NBEA: variants seen among roughly 807,000 people sequenced by gnomAD.
NBEA encodes the protein lysosomal-trafficking regulator 2.
NBEA carries 44 observed loss-of-function variants against 343.4 expected under a neutral mutation model. The observed-to-expected ratio is 0.13, with a 90% CI of 0.10 to 0.16. The LOEUF (loss-of-function observed/expected upper bound fraction) is 0.16. Ranked by LOEUF, NBEA falls within the 10% of genes least tolerant of loss-of-function variation. The probability of loss-of-function intolerance (pLI) is 1.00; values close to 1 mark genes in which losing one functional copy is unlikely to be tolerated. For missense variants in NBEA, 2,555 were observed against 3,631.3 expected, an observed-to-expected ratio of 0.70 and a Z score of 7.62; for synonymous variants, 1,175 against 1,238.7, an observed-to-expected ratio of 0.95 and a Z score of 1.08.
chr13:35,497,169 T>C (rs2076711847), intron 41 of NBEA, among the ~76,000 whole-genome samples: 1 of 152,062 alleles, frequency 6.6e-6, no homozygotes, highest in Non-Finnish European at 1.5e-5. Context: ...GCTGTGAACA[T>C]TGCCACTTAA....
intron 39 of NBEA, among the ~76,000 whole-genome samples, chr13:35,450,246 G>A (rs1348776841): frequency 6.6e-6 from 1 of 152,064 alleles, no homozygotes; most frequent in African/African-American, 2.4e-5. Flanking sequence ...AGGCCAAGGT[G>A]GGAGGATCGC....
Position 35,058,675 on chromosome 13 carries a change from C to T in NBEA, c.1093-42C>T. On this transcript the variant is annotated intron_variant, in intron 7 of 58. Coordinates refer to ENST00000379939, the MANE Select transcript of NBEA (RefSeq NM_001385012.1). ...GATTTAAGGATTTAAACCTTTTTGT[C>T]ATTAAAAATAATGCATTTTTCTTTA... The T allele has an allele frequency of 2.0e-6, 3 of 1,484,864 alleles. No individual in the cohort carries two copies. The South Asian group carries it at 3.7e-5, about 18-fold the overall frequency. 92.0% of individuals were successfully genotyped at this position (1,484,864 alleles called of 1,614,324 possible).
intron 48 of NBEA, among the ~76,000 whole-genome samples, chr13:35,617,555 G>T (rs1030542923): frequency 1.3e-5 from 2 of 152,168 alleles, no homozygotes; most frequent in Non-Finnish European, 2.9e-5. Context: ...CAGAATTAGA[G>T]CTAAAGGAAA....
chr13:35,387,736 G>GA (rs113065886), intron 38 of NBEA, among the ~76,000 whole-genome samples: 7,355 of 150,306 alleles, frequency 0.049, 216 homozygotes, highest in African/African-American at 0.057. Context: ...TTTTTGCTAG[G>GA]AAAAAAAAAT....
intron 17 of NBEA, among the ~76,000 whole-genome samples, 159 bp downstream of exon 17, chr13:35,123,733 A>T (rs1414006649): frequency 1.3e-5 from 2 of 152,164 alleles, no homozygotes; most frequent in Admixed American, 6.5e-5. Context: ...TTTATAAAAT[A>T]TATTTTATTA....
intron 31 of NBEA, among the ~76,000 whole-genome samples, chr13:35,196,726 A>G (rs1271740805): frequency 6.6e-6 from 1 of 152,094 alleles, no homozygotes; most frequent in African/African-American, 2.4e-5. Flanking sequence ...AGATTATATG[A>G]CATGCTTTAA....
intron 47 of NBEA, among the ~76,000 whole-genome samples, chr13:35,601,753 C>A: frequency 9.4e-6 from 1 of 106,522 alleles, no homozygotes; most frequent in African/African-American, 3.8e-5. Flanking sequence ...CAGAGCAGGA[C>A]TCCATCGCAA....
At chr13:35,115,999 C>T (rs915910990) in intron 13 of NBEA, among the ~76,000 whole-genome samples, 11 of 152,078 alleles carry the variant, frequency 7.2e-5, no homozygotes, top group Non-Finnish European at 1.3e-4. Flanking sequence ...TCTGTCTGTT[C>T]TTGAATGGAG....
chr13:35,289,920 T>C (rs186041964), intron 34 of NBEA, among the ~76,000 whole-genome samples: 4 of 151,954 alleles, frequency 2.6e-5, no homozygotes, highest in Non-Finnish European at 5.9e-5. Flanking sequence ...CTATTGAAAT[T>C]ACCTATTTGT....
At chr13:35,464,134 G>A (rs561775458) in intron 40 of NBEA, among the ~76,000 whole-genome samples, 4 of 152,036 alleles carry the variant, frequency 2.6e-5, no homozygotes, top group South Asian at 4.2e-4. Context: ...AAAAAAATCC[G>A]TATATTTAAC....
chr13:35,059,172 A>C (rs939213217), intron 8 of NBEA, among the ~76,000 whole-genome samples: 5 of 151,976 alleles, frequency 3.3e-5, no homozygotes, highest in African/African-American at 9.7e-5. Context: ...AAATATACAT[A>C]TTACTTAATG....
At chr13:35,429,011 T>A (rs548930570) in intron 38 of NBEA, among the ~76,000 whole-genome samples, 1 of 152,316 alleles carries the variant, frequency 6.6e-6, no homozygotes, top group Non-Finnish European at 1.5e-5. Context: ...CCCCATGTGA[T>A]GTCCACTGGT....
chr13:35,240,058 C>A (rs1337831845), intron 34 of NBEA, among the ~76,000 whole-genome samples: 1 of 146,734 alleles, frequency 6.8e-6, no homozygotes, highest in Admixed American at 6.8e-5. Context: ...TGGCAAAAAT[C>A]GCAATTACTT....
At chr13:35,440,090 G>A (rs951193195) in intron 39 of NBEA, among the ~76,000 whole-genome samples, 3 of 152,172 alleles carry the variant, frequency 2.0e-5, no homozygotes, top group Non-Finnish European at 4.4e-5. Flanking sequence ...ATGTTGGCCA[G>A]GCTGGTCTCG....
intron 49 of NBEA, among the ~76,000 whole-genome samples, chr13:35,632,755 G>A (rs2083512094): frequency 6.6e-6 from 1 of 151,848 alleles, no homozygotes; most frequent in South Asian, 2.1e-4. Context: ...AACCGCACCT[G>A]GCTAATTTTT....
intron 38 of NBEA, among the ~76,000 whole-genome samples, chr13:35,386,328 A>G (rs1003386252): frequency 6.6e-6 from 1 of 151,654 alleles, no homozygotes; most frequent in Non-Finnish European, 1.5e-5. Context: ...CAGAATTTTC[A>G]TCCGTACATT....
chr13:35,216,983 T>C (rs2074099624), intron 33 of NBEA, among the ~76,000 whole-genome samples: 1 of 151,972 alleles, frequency 6.6e-6, no homozygotes, highest in African/African-American at 2.4e-5. Flanking sequence ...AACTGTCTTC[T>C]AGAGTGGCTT....
chr13:35,118,578 C>G, intron 16 of NBEA, 104 bp downstream of exon 16: 1 of 861,334 alleles, frequency 1.2e-6, no homozygotes, highest in Non-Finnish European at 1.8e-6. Context: ...ATAGCAAAGT[C>G]TTGCACATAA....
At chr13:35,555,718 C>T (rs1161274040) in intron 44 of NBEA, among the ~76,000 whole-genome samples, 2 of 151,984 alleles carry the variant, frequency 1.3e-5, no homozygotes, top group Non-Finnish European at 2.9e-5. Flanking sequence ...TTAAGTTAAG[C>T]TCCAAAAGCC....
Sources: allele counts gnomAD v4.1 joint callset (sites outside exome capture counted in the v4.1 genomes callset), GRCh38; gene constraint gnomAD v4.1.1; transcripts MANE v1.5; gene names NCBI Gene and HGNC (gene_info 2026-07-23, HGNC 2026-07-21).